Variants in DCC observed in about 807,000 individuals in gnomAD.
DCC encodes the protein DCC netrin 1 receptor, also known as netrin receptor DCC.
A neutral mutation model predicts 172.5 loss-of-function variants in DCC; 58 were observed. The ratio of observed to expected loss-of-function variants is 0.34; its 90% CI spans 0.27 to 0.42. The LOEUF (loss-of-function observed/expected upper bound fraction) is 0.42. DCC is among the 10% of genes least tolerant of loss of function. The pLI, the probability that DCC is intolerant of heterozygous loss-of-function variation, is 1.00. For missense variants in DCC, 1,740 were observed against 1,791.0 expected (o/e 0.97, Z 0.51); for synonymous variants, 709 against 644.5 (o/e 1.10, Z -1.52).
At chr18:52,803,966 C>G (rs1020255549) in intron 2 of DCC, among the ~76,000 whole-genome samples, 2 of 152,046 alleles carry the variant, frequency 1.3e-5, no homozygotes, top group African/African-American at 4.8e-5. Context: ...TGGGCCAGTC[C>G]TTGGGCACCA....
intron 18 of DCC, among the ~76,000 whole-genome samples, chr18:53,402,180 G>A (rs1909336889): frequency 1.3e-5 from 2 of 151,986 alleles, no homozygotes; most frequent in Admixed American, 6.6e-5. Context: ...TTCTTCTGAA[G>A]ACATGTAATC....
At chr18:53,116,188 G>A (rs550628886) in intron 7 of DCC, among the ~76,000 whole-genome samples, 1 of 151,732 alleles carries the variant, frequency 6.6e-6, no homozygotes, top group East Asian at 2.0e-4. Context: ...TGGACAAAAC[G>A]CACAAACAAA....
intron 1 of DCC, among the ~76,000 whole-genome samples, chr18:52,581,963 G>A (rs1163579991): frequency 1.3e-5 from 2 of 152,080 alleles, no homozygotes; most frequent in Non-Finnish European, 2.9e-5. Flanking sequence ...ACAATAACAT[G>A]CACTAGAAAC....
intron 1 of DCC, among the ~76,000 whole-genome samples, chr18:52,626,706 CA>C (rs565170217): frequency 6.6e-6 from 1 of 152,060 alleles, no homozygotes; most frequent in Admixed American, 6.6e-5. Flanking sequence ...AAATTTGAAA[CA>C]AAAAAATTCC....
intron 1 of DCC, among the ~76,000 whole-genome samples, chr18:52,667,977 T>C (rs975098781): frequency 3.3e-5 from 5 of 152,056 alleles, no homozygotes; most frequent in African/African-American, 4.8e-5. Flanking sequence ...AACACATTCA[T>C]TGAGGGGCGT....
chr18:53,133,437 G>T, intron 7 of DCC, among the ~76,000 whole-genome samples: 1 of 152,126 alleles, frequency 6.6e-6, no homozygotes, highest in East Asian at 1.9e-4. Flanking sequence ...GAGTCCACAG[G>T]GTTGGACTGA....
intron 12 of DCC, among the ~76,000 whole-genome samples, chr18:53,220,106 G>A (rs1057269633): frequency 6.6e-6 from 1 of 152,108 alleles, no homozygotes. Context: ...CTAGTGGGAA[G>A]GGAGGAGATG....
At chr18:53,081,045 G>A (rs1206343210) in intron 7 of DCC, among the ~76,000 whole-genome samples, 3 of 151,972 alleles carry the variant, frequency 2.0e-5, no homozygotes, top group Admixed American at 1.3e-4. Context: ...GAGCACTATC[G>A]CTGCCAGGAC....
intron 1 of DCC, among the ~76,000 whole-genome samples, chr18:52,593,652 A>G (rs2033848591): frequency 6.6e-6 from 1 of 152,222 alleles, no homozygotes; most frequent in South Asian, 2.1e-4. Context: ...GATAAGTTTC[A>G]TCAGCCTCAC....
chr18:52,431,487 A>C (rs1363587237), intron 1 of DCC, among the ~76,000 whole-genome samples: 4 of 152,270 alleles, frequency 2.6e-5, no homozygotes, highest in East Asian at 1.9e-4. Context: ...TAGCATATTC[A>C]AAAGGGGAAA....
intron 2 of DCC, among the ~76,000 whole-genome samples, chr18:52,794,616 G>C (rs974723539): frequency 3.3e-5 from 5 of 151,882 alleles, no homozygotes; most frequent in African/African-American, 7.2e-5. Context: ...TTCCAATTTG[G>C]ATGCCTTTTA....
At chr18:53,484,103 A>T (rs533489550) in intron 25 of DCC, among the ~76,000 whole-genome samples, 15 of 152,054 alleles carry the variant, frequency 9.9e-5, no homozygotes, top group African/African-American at 3.6e-4. Context: ...CCCAAATTAC[A>T]TGCCAAAATC....
chr18:53,303,039 G>T (rs1481095028), intron 12 of DCC, among the ~76,000 whole-genome samples: 1 of 152,098 alleles, frequency 6.6e-6, no homozygotes, highest in African/African-American at 2.4e-5. Flanking sequence ...TGGGAAAGGG[G>T]TCATTTTATC....
At chr18:52,726,489 C>T (rs994482667) in intron 1 of DCC, among the ~76,000 whole-genome samples, 17 of 152,200 alleles carry the variant, frequency 1.1e-4, no homozygotes, top group African/African-American at 4.1e-4. Flanking sequence ...CCATACACCC[C>T]ACCTGCCTGG....
intron 1 of DCC, among the ~76,000 whole-genome samples, chr18:52,388,152 G>A (rs1985890528): frequency 6.6e-6 from 1 of 151,972 alleles, no homozygotes; most frequent in Non-Finnish European, 1.5e-5. Context: ...CTCAGTCTTA[G>A]TTCTGTCACC....
chr18:52,850,967 G>A (rs11873451), intron 2 of DCC, among the ~76,000 whole-genome samples: 4,063 of 151,920 alleles, frequency 0.027, 162 homozygotes, highest in African/African-American at 0.09. Context: ...TTACAGCTTC[G>A]ATATTACCTT....
chr18:52,807,861 A>G (rs2038117155), intron 2 of DCC, among the ~76,000 whole-genome samples: 1 of 151,968 alleles, frequency 6.6e-6, no homozygotes, highest in African/African-American at 2.4e-5. Context: ...GGATCATCCA[A>G]TCATACACCT....
At chr18:52,621,600 A>G (rs2034481296) in intron 1 of DCC, among the ~76,000 whole-genome samples, 2 of 152,200 alleles carry the variant, frequency 1.3e-5, no homozygotes, top group African/African-American at 4.8e-5. Context: ...GTACTTTTGC[A>G]AAAAGGAAAT....
At chr18:53,363,035 G>A (rs902064280) in intron 15 of DCC, among the ~76,000 whole-genome samples, 41 of 152,134 alleles carry the variant, frequency 2.7e-4, no homozygotes, top group African/African-American at 9.9e-4. Context: ...ATCTTACAAT[G>A]CATTAACACC....
Sources: gnomAD v4.1 joint callset for allele counts (sites outside exome capture counted in the v4.1 genomes callset) on GRCh38, gnomAD v4.1.1 for gene constraint, MANE v1.5 for transcripts, NCBI Gene and HGNC (gene_info 2026-07-23, HGNC 2026-07-21) for gene names.